Variants in ARHGAP19 observed in about 807,000 individuals in gnomAD.
ARHGAP19 encodes Rho GTPase activating protein 19.
Under a neutral mutation model 60.9 loss-of-function variants are expected in ARHGAP19, and 48 were observed. The ratio of observed to expected loss-of-function variants is 0.79; its 90% confidence interval spans 0.62 to 1.00. The LOEUF is 1.00. Among genes scored for constraint, ARHGAP19 ranks in the 50% least tolerant of loss-of-function variants. The pLI is 0.00. For synonymous variants in ARHGAP19, 209 were observed against 215.5 expected, an observed-to-expected ratio of 0.97 and a Z score of 0.27; for missense variants, 562 against 597.2, an observed-to-expected ratio of 0.94 and a Z score of 0.61.
rs1040998871 is a variant in ARHGAP19 at position 97,222,608 on chromosome 10, G to C, written c.*3514C>G. ...TGTCTGGGGAAGCTAACTTCCTACA[G>C]TGGGTTTTAGTTGAGTTAATCACCA... On this transcript the variant is annotated 3_prime_UTR_variant, in exon 12 of 12. Coordinates refer to ENST00000358531, the MANE Select transcript of ARHGAP19 (RefSeq NM_032900.6). 1 of 152,262 alleles carries C rather than the reference G, an allele frequency of 6.6e-6. No individual in the cohort carries two copies. Among genetic ancestry groups the C allele is most frequent in the Admixed American group, 6.5e-5 (1 of 15,286 alleles). The allele number at this position is 152,262 out of a possible 1,614,324, so 9.4% of individuals were successfully genotyped here. A position where few individuals can be genotyped will look rare whatever the true frequency, so the allele number is the denominator to read the frequency against.
intron 1 of ARHGAP19, among the ~76,000 whole-genome samples, chr10:97,285,317 AT>A (rs1414760658): frequency 6.6e-6 from 1 of 152,022 alleles, no homozygotes. Flanking sequence ...TTTTAATACA[AT>A]TTTTTAAAAC....
intron 8 of ARHGAP19, among the ~76,000 whole-genome samples, chr10:97,239,327 T>C (rs1185048569): frequency 2.0e-5 from 3 of 151,958 alleles, no homozygotes; most frequent in African/African-American, 7.2e-5. Context: ...ACCCCGTCTC[T>C]ACTAAAATAC....
intron 8 of ARHGAP19, among the ~76,000 whole-genome samples, chr10:97,243,496 T>C (rs192700220): frequency 6.6e-6 from 1 of 152,322 alleles, no homozygotes; most frequent in African/African-American, 2.4e-5. Context: ...TATTGTGTTC[T>C]CTAACTGCAA....
chr10:97,270,674 T>C, intron 1 of ARHGAP19: 1 of 1,544,718 alleles, frequency 6.5e-7, no homozygotes, highest in South Asian at 1.2e-5. Context: ...TTCCCCTTGT[T>C]TGTTGTGACA....
chr10:97,270,571 A>T (rs1263391884), intron 1 of ARHGAP19: 2 of 1,521,088 alleles, frequency 1.3e-6, no homozygotes. Context: ...CAAACGAAAT[A>T]TACTAAAGTT....
intron 1 of ARHGAP19, among the ~76,000 whole-genome samples, chr10:97,283,405 AT>A (rs2134923252): frequency 6.6e-6 from 1 of 151,974 alleles, no homozygotes; most frequent in Admixed American, 6.6e-5. Context: ...AAATACAAAA[AT>A]TAGCCAGCAT....
At chr10:97,236,917 G>A (rs147742898) in intron 8 of ARHGAP19, among the ~76,000 whole-genome samples, 3 of 151,718 alleles carry the variant, frequency 2.0e-5, no homozygotes, top group African/African-American at 7.3e-5. Flanking sequence ...TTTATAGCAT[G>A]AACACAGGAC....
chr10:97,232,154 A>ATGTTTTTTT (rs1851033988), intron 9 of ARHGAP19, among the ~76,000 whole-genome samples: 1 of 56,302 alleles, frequency 1.8e-5, no homozygotes, highest in Admixed American at 1.8e-4. Flanking sequence ...TTTGCTCACT[A>ATGTTTTTTT]TTTTTTTTTT....
At chr10:97,292,228 A>C (rs543534302) in intron 1 of ARHGAP19, among the ~76,000 whole-genome samples, 1 of 152,344 alleles carries the variant, frequency 6.6e-6, no homozygotes, top group South Asian at 2.1e-4. Context: ...CGCTGTGTGC[A>C]ACAGTGAGGA....
chr10:97,273,484 C>CTTTTTT (rs11442502), intron 1 of ARHGAP19, among the ~76,000 whole-genome samples: 1 of 92,498 alleles, frequency 1.1e-5, no homozygotes, highest in Non-Finnish European at 2.0e-5. Flanking sequence ...TTTCTGCTCT[C>CTTTTTT]TTTTTTTTTT....
At chr10:97,239,701 C>G (rs1371194899) in intron 8 of ARHGAP19, among the ~76,000 whole-genome samples, 1 of 150,358 alleles carries the variant, frequency 6.7e-6, no homozygotes, top group Non-Finnish European at 1.5e-5. Flanking sequence ...AGTAATGTAC[C>G]AATTTTTTGT....
intron 9 of ARHGAP19, among the ~76,000 whole-genome samples, chr10:97,230,616 C>A (rs1315571786): frequency 1.3e-5 from 2 of 152,044 alleles, no homozygotes; most frequent in African/African-American, 4.8e-5. Flanking sequence ...ACATTAAACC[C>A]TGCATTATAA....
chr10:97,289,880 A>G, intron 1 of ARHGAP19, among the ~76,000 whole-genome samples: 1 of 151,470 alleles, frequency 6.6e-6, no homozygotes, highest in Non-Finnish European at 1.5e-5. Context: ...AGAAAGAAAG[A>G]AAAGAAAAAG....
At chr10:97,254,519 A>G (rs1842728717) in intron 6 of ARHGAP19, among the ~76,000 whole-genome samples, 2 of 152,236 alleles carry the variant, frequency 1.3e-5, no homozygotes, top group Non-Finnish European at 1.5e-5. Context: ...CTAACACCAG[A>G]AACAAAACTT....
At chr10:97,273,273 G>A (rs906227312) in intron 1 of ARHGAP19, among the ~76,000 whole-genome samples, 3 of 149,600 alleles carry the variant, frequency 2.0e-5, no homozygotes, top group East Asian at 4.0e-4. Context: ...AGCAATTCTC[G>A]TGCCTCAGCC....
chr10:97,251,378 GAA>G (rs2134857152), intron 6 of ARHGAP19, among the ~76,000 whole-genome samples: 1 of 15,846 alleles, frequency 6.3e-5, no homozygotes, highest in African/African-American at 2.7e-4. Flanking sequence ...AAGGGGAATG[GAA>G]GGGAAGGGGA....
intron 1 of ARHGAP19, among the ~76,000 whole-genome samples, chr10:97,281,309 G>A (rs566992779): frequency 6.6e-6 from 1 of 152,226 alleles, no homozygotes; most frequent in East Asian, 1.9e-4. Context: ...GCTGAGGTAG[G>A]AGGATCACCT....
chr10:97,271,938 C>T (rs1842963831), intron 1 of ARHGAP19, among the ~76,000 whole-genome samples: 1 of 151,742 alleles, frequency 6.6e-6, no homozygotes, highest in Admixed American at 6.6e-5. Context: ...TTAAACCAAC[C>T]TTGCATTTCT....
At position 97,239,552 on chromosome 10, in the gene ARHGAP19, G is replaced by T. The variant is rs1488815534; in HGVS notation, c.1186-4237C>A. The stretch of plus-strand genomic sequence containing the variant: ...AGGGAGTGAGAGAGAGAGAGAGAGG[G>T]TGTGTGTGTGTGTGTGTGTGTGTGT... On this transcript the variant is annotated intron_variant, in intron 8 of 11. Transcript: ENST00000358531. 8.0e-3 allele frequency among the ~76,000 whole-genome samples: 79 copies of T among 9,906 alleles called. 1 individual carries two copies. Among genetic ancestry groups the T allele is most frequent in the African/African-American group, 0.023 (74 of 3,284 alleles). The allele number at this position is 9,906 out of a possible 152,430, so 6.5% of individuals were successfully genotyped here.
Sources: allele counts gnomAD v4.1 joint callset (sites outside exome capture counted in the v4.1 genomes callset), GRCh38; gene constraint gnomAD v4.1.1; transcripts MANE v1.5; gene names NCBI Gene and HGNC (gene_info 2026-07-23, HGNC 2026-07-21).